DYNC1I1: variants seen among roughly 807,000 people sequenced by gnomAD.
DYNC1I1 encodes the protein dynein cytoplasmic 1 intermediate chain 1.
A neutral mutation model predicts 86.6 loss-of-function variants in DYNC1I1; 43 were observed. That is an observed-to-expected ratio of 0.50 (90% CI 0.39 to 0.64). The LOEUF is 0.64. DYNC1I1 is among the 30% of genes least tolerant of loss of function. DYNC1I1 has a pLI of 0.00. For missense variants in DYNC1I1, 604 were observed against 788.8 expected (o/e 0.77, Z 2.81); for synonymous variants, 262 against 283.7 (o/e 0.92, Z 0.77).
intron 6 of DYNC1I1, among the ~76,000 whole-genome samples, chr7:95,887,957 C>T (rs1790639490): frequency 6.6e-6 from 1 of 152,152 alleles, no homozygotes; most frequent in Admixed American, 6.5e-5. Context: ...AGGCTCAGTG[C>T]TCAGTGGTGA....
intron 4 of DYNC1I1, among the ~76,000 whole-genome samples, chr7:95,814,641 T>C (rs973150084): frequency 1.3e-5 from 2 of 152,196 alleles, no homozygotes; most frequent in African/African-American, 4.8e-5. Context: ...TAATCTAGCG[T>C]TGATCTGAGC....
At chr7:95,820,543 G>GAA (rs1795051234) in intron 4 of DYNC1I1, among the ~76,000 whole-genome samples, 1 of 152,190 alleles carries the variant, frequency 6.6e-6, no homozygotes, top group African/African-American at 2.4e-5. Context: ...AGAGCTCAGA[G>GAA]AAACTGTGCG....
At chr7:96,048,128 C>A (rs991770927) in intron 14 of DYNC1I1, among the ~76,000 whole-genome samples, 1 of 152,024 alleles carries the variant, frequency 6.6e-6, no homozygotes, top group African/African-American at 2.4e-5. Context: ...AGGATTAGAC[C>A]AGGTCCTGTA....
At chr7:95,927,552 T>C (rs372153131) in intron 6 of DYNC1I1, among the ~76,000 whole-genome samples, 2 of 152,122 alleles carry the variant, frequency 1.3e-5, no homozygotes, top group Admixed American at 1.3e-4. Context: ...ATAACTGTTC[T>C]ATGGGTTATG....
chr7:96,091,495 C>T (rs1371845865), intron 16 of DYNC1I1, among the ~76,000 whole-genome samples: 1 of 152,098 alleles, frequency 6.6e-6, no homozygotes. Flanking sequence ...CTTGGCCATA[C>T]TTCATGTATC....
chr7:95,824,624 TA>T (rs1474513174), intron 4 of DYNC1I1, among the ~76,000 whole-genome samples: 1 of 152,196 alleles, frequency 6.6e-6, no homozygotes, highest in Non-Finnish European at 1.5e-5. Flanking sequence ...AAGAGAAAGC[TA>T]AAAGGCAGTT....
chr7:96,021,287 C>A (rs1248512056), intron 10 of DYNC1I1, among the ~76,000 whole-genome samples: 1 of 152,112 alleles, frequency 6.6e-6, no homozygotes, highest in African/African-American at 2.4e-5. Flanking sequence ...GGTGTCAGAG[C>A]AGAAAGTCAG....
intron 6 of DYNC1I1, among the ~76,000 whole-genome samples, chr7:95,876,431 C>T (rs1046912904): frequency 6.6e-6 from 1 of 152,098 alleles, no homozygotes; most frequent in Non-Finnish European, 1.5e-5. Context: ...AAACTTGGCT[C>T]TCAAACTACA....
chr7:95,772,762 G>T lies in DYNC1I1; in HGVS notation c.-21G>T. On this transcript the variant is annotated 5_prime_UTR_variant, in exon 1 of 17. Coordinates refer to ENST00000447467, the MANE Select transcript of DYNC1I1 (RefSeq NM_001135556.2). ...CGGGGAGCCCAGTTCCGCCGCTGCCGAGCGCGTCCAGGTAAACTGGAGCGG... is the reference window on the plus strand; with the variant it reads ...CGGGGAGCCCAGTTCCGCCGCTGCCTAGCGCGTCCAGGTAAACTGGAGCGG... 6.6e-6 allele frequency: 1 copy of T among 152,570 alleles called. No individual in the cohort carries two copies. The highest frequency in any genetic ancestry group is 2.0e-4 in the South Asian group (1 of 5,080). The allele number at this position is 152,570 out of a possible 1,614,324, so 9.5% of individuals were successfully genotyped here.
intron 6 of DYNC1I1, among the ~76,000 whole-genome samples, chr7:95,944,898 A>G (rs1485664664): frequency 1.3e-5 from 2 of 150,500 alleles, no homozygotes; most frequent in Non-Finnish European, 3.0e-5. Flanking sequence ...GAGGAGGGAT[A>G]GTTTTAGGAG....
chr7:96,097,579 G>C lies in DYNC1I1; in HGVS notation c.1873G>C (p.Glu625Gln). 1 of 1,613,668 alleles carries C rather than the reference G, an allele frequency of 6.2e-7. No homozygotes were observed. Among genetic ancestry groups the C allele is most frequent in the Non-Finnish European group, 8.5e-7 (1 of 1,179,710 alleles). Residue 625 changes from glutamate (E) to glutamine (Q), a missense_variant, in exon 17 of 17, where the codon GAG (glutamate) becomes CAG (glutamine). Coordinates refer to ENST00000447467, the MANE Select transcript of DYNC1I1 (RefSeq NM_001135556.2). ...RADSEEEGTV[E>Q]LSA ...TGATAGCGAGGAGGAAGGCACTGTT[G>C]AGTTATCTGCCTAGTGGAAATGAGC...
intron 1 of DYNC1I1, among the ~76,000 whole-genome samples, chr7:95,790,183 G>A (rs1794257146): frequency 6.6e-6 from 1 of 152,174 alleles, no homozygotes; most frequent in South Asian, 2.1e-4. Flanking sequence ...AATTTGGCCA[G>A]GTTTGCCTGG....
chr7:95,947,876 G>T (rs529002072), intron 6 of DYNC1I1, among the ~76,000 whole-genome samples: 10 of 152,224 alleles, frequency 6.6e-5, no homozygotes, highest in African/African-American at 2.2e-4. Flanking sequence ...GAACAGAAAA[G>T]GCCACTAAGT....
intron 9 of DYNC1I1, among the ~76,000 whole-genome samples, chr7:95,991,314 C>G (rs1793724533): frequency 6.6e-6 from 1 of 152,190 alleles, no homozygotes; most frequent in African/African-American, 2.4e-5. Context: ...ATTAATACTA[C>G]AACCTGATGT....
downstream of DYNC1I1, among the ~76,000 whole-genome samples, chr7:96,100,967 G>A (rs1265108838): frequency 1.3e-5 from 2 of 152,190 alleles, no homozygotes; most frequent in African/African-American, 4.8e-5. Flanking sequence ...AGAGGCATTA[G>A]CATCTCTAGA....
chr7:95,993,883 G>C (rs888520109), intron 9 of DYNC1I1, among the ~76,000 whole-genome samples: 1 of 152,042 alleles, frequency 6.6e-6, no homozygotes, highest in African/African-American at 2.4e-5. Flanking sequence ...AGAGTGATAC[G>C]GTCTGCCATA....
chr7:96,108,169 C>A (rs1791248117), intron 16 of DYNC1I1, among the ~76,000 whole-genome samples: 1 of 151,910 alleles, frequency 6.6e-6, no homozygotes, highest in African/African-American at 2.4e-5. Context: ...TGAATGTTGT[C>A]AAATATCTTT....
intron 1 of DYNC1I1, among the ~76,000 whole-genome samples, chr7:95,775,888 A>G (rs1187117768): frequency 1.3e-5 from 2 of 152,210 alleles, no homozygotes; most frequent in East Asian, 1.9e-4. Flanking sequence ...AGTTAACTCA[A>G]ATTAATTCAA....
At chr7:96,073,178 A>G (rs183711905) in intron 14 of DYNC1I1, among the ~76,000 whole-genome samples, 1 of 152,310 alleles carries the variant, frequency 6.6e-6, no homozygotes, top group East Asian at 1.9e-4. Context: ...CCCTTCTCCC[A>G]AACACACACG....
Sources: gnomAD v4.1 joint callset for allele counts (sites outside exome capture counted in the v4.1 genomes callset) on GRCh38, gnomAD v4.1.1 for gene constraint, MANE v1.5 for transcripts, NCBI Gene and HGNC (gene_info 2026-07-23, HGNC 2026-07-21) for gene names.